The following NBEAL1 variants were observed in gnomAD, a reference collection of about 807,000 sequenced individuals.
NBEAL1 encodes the protein neurobeachin like 1, also known as neurobeachin-like protein 1.
NBEAL1 carries 273 observed loss-of-function variants against 351.3 expected under a neutral mutation model. The ratio of observed to expected loss-of-function variants is 0.78; its 90% CI spans 0.70 to 0.86. The LOEUF is 0.86. Among genes scored for constraint, NBEAL1 ranks in the 40% least tolerant of loss-of-function variants. NBEAL1 has a pLI of 0.00. For synonymous variants in NBEAL1, 1,050 were observed against 1,086.4 expected, an observed-to-expected ratio of 0.97 and a Z score of 0.66; for missense variants, 2,961 against 3,201.3, an observed-to-expected ratio of 0.92 and a Z score of 1.81.
intron 30 of NBEAL1, 131 bp downstream of exon 30, chr2:203,138,446 A>G: frequency 1.9e-6 from 2 of 1,033,154 alleles, no homozygotes; most frequent in South Asian, 3.5e-5. Context: ...GATGTGATGA[A>G]TAGTCACAGA....
chr2:203,193,836 G>A lies in NBEAL1; in HGVS notation c.6963G>A (p.Gln2321=), dbSNP rs764685519. ...GATTATCAGCAGAAGAAGCAGTGCA[G>A]AAGCCAACCAAAATAGACACTTCAA... ...PPRLSAEEAV[Q]KPTKIDTSTL... Residue 2321 remains glutamine (Q), a synonymous_variant, in exon 47 of 56, where the codon CAG becomes CAA. Coordinates refer to ENST00000683969, the MANE Select transcript of NBEAL1 (RefSeq NM_001378026.1). 4 of 1,612,752 alleles carry A rather than the reference G, an allele frequency of 2.5e-6. No homozygotes were observed. In the Admixed American group the frequency reaches 6.7e-5, roughly 27 times the overall value.
intron 10 of NBEAL1, among the ~76,000 whole-genome samples, chr2:203,090,559 A>G (rs1180712871): frequency 6.6e-6 from 1 of 152,186 alleles, no homozygotes; most frequent in Non-Finnish European, 1.5e-5. Flanking sequence ...ATATATGATT[A>G]TTTCTAGCCT....
chr2:203,195,993 C>T (rs1300086354), intron 47 of NBEAL1, among the ~76,000 whole-genome samples: 5 of 152,178 alleles, frequency 3.3e-5, no homozygotes, highest in African/African-American at 1.2e-4. Flanking sequence ...CCAGCCAAGT[C>T]CCAGATGCCA....
chr2:203,224,486 T>G lies in NBEAL1; in HGVS notation c.*7132T>G, dbSNP rs1262524919. Among the ~76,000 whole-genome samples, 2 of 152,198 alleles carry G rather than the reference T, an allele frequency of 1.3e-5. No individual in the cohort carries two copies. Among genetic ancestry groups the G allele is most frequent in the Non-Finnish European group, 2.9e-5 (2 of 67,996 alleles). On this transcript the variant is annotated 3_prime_UTR_variant, in exon 56 of 56. Coordinates refer to ENST00000683969, the MANE Select transcript of NBEAL1 (RefSeq NM_001378026.1). ...GCATAAAAATATGAAACATATTTAA[T>G]TCATCTCTTTTGTCAGTTTTTCTGG... is the stretch of plus-strand genomic sequence containing the variant.
chr2:203,085,745 A>C (rs777864178), intron 10 of NBEAL1: 29 of 152,342 alleles, frequency 1.9e-4, no homozygotes, highest in Non-Finnish European at 3.7e-4. Context: ...ATACATACTC[A>C]TTGTAAATGG....
At chr2:203,035,152 A>G (rs2061021395) in intron 2 of NBEAL1, among the ~76,000 whole-genome samples, 1 of 149,132 alleles carries the variant, frequency 6.7e-6, no homozygotes, top group Non-Finnish European at 1.5e-5. Flanking sequence ...CCAAAAGGTT[A>G]GTGGGTGTTA....
At chr2:203,129,188 C>T (rs531557821) in intron 24 of NBEAL1, among the ~76,000 whole-genome samples, 12 of 152,074 alleles carry the variant, frequency 7.9e-5, no homozygotes, top group Admixed American at 2.6e-4. Flanking sequence ...TTTGCATGTA[C>T]GCTTTTGGAA....
chr2:203,178,417 A>G (rs2064591669), intron 42 of NBEAL1, among the ~76,000 whole-genome samples: 1 of 151,998 alleles, frequency 6.6e-6, no homozygotes, highest in South Asian at 2.1e-4. Flanking sequence ...TCTGCCCACC[A>G]TGGCCTACCA....
chr2:203,058,439 T>C (rs1251781464), intron 6 of NBEAL1, among the ~76,000 whole-genome samples: 1 of 152,144 alleles, frequency 6.6e-6, no homozygotes, highest in African/African-American at 2.4e-5. Context: ...ACAGCTACTC[T>C]CCCTGGGGTT....
intron 51 of NBEAL1, among the ~76,000 whole-genome samples, chr2:203,206,420 C>G (rs2065561826): frequency 6.6e-6 from 1 of 152,160 alleles, no homozygotes; most frequent in Admixed American, 6.5e-5. Context: ...CTTTCCCTCT[C>G]CCTCTCTCCC....
rs1438799540 is a variant in NBEAL1 at position 203,127,865 on chromosome 2, G to A, written c.3333G>A (p.Leu1111=). 3 of 1,550,764 alleles carry A rather than the reference G, an allele frequency of 1.9e-6. 1 individual carries two copies. The South Asian group carries it at 3.6e-5, about 18-fold the overall frequency. ...TGTATGGACTAATTAAATATTTTCT[G>A]TGCAAAGGTGGATCTCATGAAGAGA... ...TSLYGLIKYF[L]CKGGSHEEIQ... Residue 1111 remains leucine (L), a synonymous_variant, in exon 24 of 56, where the codon CTG becomes CTA. Transcript: ENST00000683969.
At chr2:203,123,852 CTT>C (rs1228208889) in intron 19 of NBEAL1, among the ~76,000 whole-genome samples, 1 of 152,084 alleles carries the variant, frequency 6.6e-6, no homozygotes, top group Non-Finnish European at 1.5e-5. Context: ...ACTAGTTAGA[CTT>C]TTGGCTAATG....
chr2:203,198,587 T>A (rs186637366), intron 48 of NBEAL1, among the ~76,000 whole-genome samples: 3 of 152,124 alleles, frequency 2.0e-5, no homozygotes, highest in Non-Finnish European at 1.5e-5. Context: ...TAAATTGGGC[T>A]GAGCGCAGTG....
intron 19 of NBEAL1, among the ~76,000 whole-genome samples, chr2:203,123,385 G>A (rs1393736537): frequency 1.4e-5 from 2 of 146,724 alleles, no homozygotes; most frequent in African/African-American, 2.5e-5. Flanking sequence ...CGCCCTGGCT[G>A]GAGTGCAGTG....
At chr2:203,199,544 ATT>A (rs373868583) in intron 49 of NBEAL1, 97 bp downstream of exon 49, 16,755 of 463,952 alleles carry the variant, frequency 0.036, no homozygotes, top group South Asian at 0.053. Context: ...TGAAAGAAAT[ATT>A]TTTTTTTTTT....
At chr2:203,050,701 T>TAAC (rs1232900787) in intron 4 of NBEAL1, among the ~76,000 whole-genome samples, 1 of 152,210 alleles carries the variant, frequency 6.6e-6, no homozygotes. Flanking sequence ...TATGCATGAA[T>TAAC]AACAACAAGG....
At chr2:203,083,111 C>T in intron 8 of NBEAL1, 108 bp from the exon 9 acceptor site, 2 of 963,862 alleles carry the variant, frequency 2.1e-6, no homozygotes, top group Non-Finnish European at 3.0e-6. Context: ...ATTTTTATGT[C>T]TTTATTAAAA....
intron 44 of NBEAL1, among the ~76,000 whole-genome samples, chr2:203,186,974 G>A (rs1216407305): frequency 1.3e-5 from 2 of 152,188 alleles, no homozygotes; most frequent in Non-Finnish European, 2.9e-5. Context: ...TTATTTTACA[G>A]CCAAACCCTT....
intron 53 of NBEAL1, among the ~76,000 whole-genome samples, chr2:203,210,118 T>C (rs1300325296): frequency 2.0e-5 from 3 of 152,050 alleles, no homozygotes; most frequent in African/African-American, 7.2e-5. Flanking sequence ...ATCCCAGCAC[T>C]TTGGGAGGCT....
Sources: gnomAD v4.1 joint callset for allele counts (sites outside exome capture counted in the v4.1 genomes callset) on GRCh38, gnomAD v4.1.1 for gene constraint, MANE v1.5 for transcripts, NCBI Gene and HGNC (gene_info 2026-07-23, HGNC 2026-07-21) for gene names.